Variants in MTCL3 observed in about 807,000 individuals in gnomAD.
The protein encoded by MTCL3 is microtubule cross-linking factor 3.
chr6:127,515,610 C>T, the MTCL3 span: 9 of 1,420,366 alleles, frequency 6.3e-6, no homozygotes, highest in Admixed American at 3.5e-5. The surrounding 1 kb of genome is among the most constrained non-coding windows in gnomAD (Gnocchi z 4.3). Context: ...ACGAAGGGGG[C>T]GCTGCCGCCT....
the MTCL3 span, among the ~76,000 whole-genome samples, chr6:127,502,874 A>G: frequency 2.6e-5 from 4 of 152,236 alleles, no homozygotes; most frequent in African/African-American, 4.8e-5. Context: ...ATCTGAAGTA[A>G]CATAGCTATT....
At chr6:127,474,784 G>A in the MTCL3 span, among the ~76,000 whole-genome samples, 3 of 152,170 alleles carry the variant, frequency 2.0e-5, no homozygotes, top group Admixed American at 2.0e-4. Flanking sequence ...TTGCCTTGCT[G>A]ACCAGGCTGG....
chr6:127,487,609 G>A, the MTCL3 span, among the ~76,000 whole-genome samples: 1 of 152,118 alleles, frequency 6.6e-6, no homozygotes. Flanking sequence ...ACTGGCAGAG[G>A]CAGAACAGGT....
the MTCL3 span, chr6:127,476,594 A>C: frequency 1.4e-6 from 1 of 714,768 alleles, no homozygotes; most frequent in Non-Finnish European, 2.2e-6. The surrounding 1 kb of genome is among the most constrained non-coding windows in gnomAD (Gnocchi z 4.4). Flanking sequence ...AGAGAGAAAC[A>C]GAAGCAGATA....
chr6:127,476,395 G>A, the MTCL3 span: 1 of 1,613,656 alleles, frequency 6.2e-7, no homozygotes, highest in Non-Finnish European at 8.5e-7. This position sits in a 1 kb window ranked among gnomAD's most constrained non-coding sequence, Gnocchi z 4.4. Flanking sequence ...ATCAATCTTG[G>A]CCATTTTCTT....
chr6:127,512,211 C>G, the MTCL3 span, among the ~76,000 whole-genome samples: 2 of 152,000 alleles, frequency 1.3e-5, no homozygotes, highest in Non-Finnish European at 2.9e-5. Flanking sequence ...TTGGAATCTT[C>G]AAATAGCTGA....
At chr6:127,502,108 A>G in the MTCL3 span, among the ~76,000 whole-genome samples, 1 of 152,192 alleles carries the variant, frequency 6.6e-6, no homozygotes, top group East Asian at 1.9e-4. Flanking sequence ...ATTTATTGAT[A>G]TTTTTTATAT....
At chr6:127,514,785 G>T in the MTCL3 span, 11 of 1,566,630 alleles carry the variant, frequency 7.0e-6, no homozygotes, top group African/African-American at 2.7e-5. Context: ...CCCACCCACC[G>T]CCCCTGCCGC....
At chr6:127,516,098 C>T in the MTCL3 span, 1 of 1,488,644 alleles carries the variant, frequency 6.7e-7, no homozygotes, top group Non-Finnish European at 8.9e-7. Context: ...GCTCCTCCTC[C>T]TTCCCCGCCC....
chr6:127,516,782 A>T, the MTCL3 span: 1 of 1,175,286 alleles, frequency 8.5e-7, no homozygotes, highest in Non-Finnish European at 1.2e-6. Flanking sequence ...CTCCATTTGG[A>T]TGGCGCTTAA....
At chr6:127,506,844 G>A in the MTCL3 span, among the ~76,000 whole-genome samples, 86 of 152,244 alleles carry the variant, frequency 5.6e-4, no homozygotes, top group African/African-American at 2.0e-3. Context: ...CTCCCAAAGT[G>A]CTGGGATTAC....
chr6:127,515,446 G>T, the MTCL3 span: 2 of 1,360,968 alleles, frequency 1.5e-6, no homozygotes, highest in Non-Finnish European at 9.6e-7. The surrounding 1 kb of genome is among the most constrained non-coding windows in gnomAD (Gnocchi z 4.3). Flanking sequence ...GATCCCTGCC[G>T]GTACACGCCC....
At chr6:127,511,951 T>C in the MTCL3 span, among the ~76,000 whole-genome samples, 1 of 152,178 alleles carries the variant, frequency 6.6e-6, no homozygotes, top group East Asian at 1.9e-4. Context: ...GAATTTTCTT[T>C]AGAATTCTGC....
At chr6:127,507,842 CAAAAAAAAA>C in the MTCL3 span, among the ~76,000 whole-genome samples, 41 of 82,090 alleles carry the variant, frequency 5.0e-4, no homozygotes, top group Non-Finnish European at 4.4e-5. Flanking sequence ...GACTATGTCT[CAAAAAAAAA>C]AAAAAAAAAA....
the MTCL3 span, among the ~76,000 whole-genome samples, chr6:127,510,998 G>T: frequency 6.6e-6 from 1 of 152,214 alleles, no homozygotes; most frequent in Admixed American, 6.5e-5. Flanking sequence ...AGAGGTGGGA[G>T]AATAGCTTGA....
the MTCL3 span, among the ~76,000 whole-genome samples, chr6:127,497,726 A>G: frequency 6.6e-6 from 1 of 152,252 alleles, no homozygotes; most frequent in African/African-American, 2.4e-5. Flanking sequence ...CACAGTGAGT[A>G]TCTAAAGCCA....
At chr6:127,482,150 C>T in the MTCL3 span, among the ~76,000 whole-genome samples, 5 of 152,170 alleles carry the variant, frequency 3.3e-5, no homozygotes, top group Non-Finnish European at 7.4e-5. This position sits in a 1 kb window ranked among gnomAD's most constrained non-coding sequence, Gnocchi z 4.1. Context: ...TTCTTTTATT[C>T]CTTTACTTTC....
At chr6:127,516,430 C>T in the MTCL3 span, 3 of 1,600,322 alleles carry the variant, frequency 1.9e-6, no homozygotes, top group East Asian at 2.2e-5. Context: ...AGTGCCGGCC[C>T]CCACTGGGGA....
At chr6:127,496,446 G>T in the MTCL3 span, among the ~76,000 whole-genome samples, 7 of 151,998 alleles carry the variant, frequency 4.6e-5, no homozygotes, top group Non-Finnish European at 1.0e-4. Context: ...ATAAGCTATC[G>T]AATGTATGGC....
Sources: allele counts gnomAD v4.1 joint callset (sites outside exome capture counted in the v4.1 genomes callset), GRCh38; gene constraint gnomAD v4.1.1; non-coding constraint Gnocchi (gnomAD v3.1); transcripts MANE v1.5; gene names NCBI Gene and HGNC (gene_info 2026-07-23, HGNC 2026-07-21).